ARFGEF1: variants seen among roughly 807,000 people sequenced by gnomAD.
The protein encoded by ARFGEF1 is ARF guanine nucleotide exchange factor 1, also known as brefeldin A-inhibited guanine nucleotide-exchange protein 1.
A neutral mutation model predicts 231.0 loss-of-function variants in ARFGEF1; 42 were observed. The ratio of observed to expected loss-of-function variants is 0.18; its 90% CI spans 0.14 to 0.24. The LOEUF is 0.24. ARFGEF1 is among the 10% of genes least tolerant of loss of function. The pLI is 1.00. For missense variants in ARFGEF1, 1,345 were observed against 2,192.0 expected (o/e 0.61, Z 7.72); for synonymous variants, 710 against 732.3 (o/e 0.97, Z 0.49).
At chr8:67,261,774 G>A (rs1481991627) in intron 14 of ARFGEF1, among the ~76,000 whole-genome samples, 1 of 151,632 alleles carries the variant, frequency 6.6e-6, no homozygotes, top group Non-Finnish European at 1.5e-5. Flanking sequence ...CCAAAGCTGG[G>A]ATTACAGGCA....
At chr8:67,244,764 T>C (rs745693797) in intron 19 of ARFGEF1, among the ~76,000 whole-genome samples, 7 of 150,312 alleles carry the variant, frequency 4.7e-5, no homozygotes, top group Non-Finnish European at 8.8e-5. Context: ...CTAAAAGTTA[T>C]TGGTCTTCAA....
chr8:67,211,584 T>C lies in ARFGEF1; in HGVS notation c.4718A>G (p.His1573Arg), dbSNP rs1384835038. ...DTISQKSVDI[H>R]DSIQPRSVDN... ...CACAGACCTTGGTTGAATAGAATCATGAATATCTACAGACTTCTGTGATAT... is the reference window on the plus strand; with the variant it reads ...CACAGACCTTGGTTGAATAGAATCACGAATATCTACAGACTTCTGTGATAT... Residue 1573 changes from histidine (H) to arginine (R), a missense_variant, in exon 34 of 39, where the codon CAT (histidine) becomes CGT (arginine). Physicochemically the swap from His to Arg is conservative, Grantham distance 29. This residue lies in a region of ARFGEF1 where 89 missense variants were observed against 74.8 expected (regional missense o/e 1.19). Coordinates refer to ENST00000262215, the MANE Select transcript of ARFGEF1 (RefSeq NM_006421.5). 3 of 1,546,922 alleles carry C rather than the reference T, an allele frequency of 1.9e-6. No homozygotes were observed. The highest frequency in any genetic ancestry group is 2.6e-6 in the Non-Finnish European group (3 of 1,140,708).
chr8:67,227,315 A>G lies in ARFGEF1; in HGVS notation c.3744-6T>C. 1.9e-6 allele frequency: 3 copies of G among 1,608,170 alleles called. No homozygotes were observed. Among genetic ancestry groups the G allele is most frequent in the Non-Finnish European group, 2.6e-6 (3 of 1,176,112 alleles). ...TATCTCGAATTGTTGGAGACCTAAA[A>G]ATATTAATATAATTGCTTGGATATG... On this transcript the variant is annotated splice_region_variant and splice_polypyrimidine_tract_variant and intron_variant, in intron 26 of 38. Coordinates refer to ENST00000262215, the MANE Select transcript of ARFGEF1 (RefSeq NM_006421.5).
downstream of ARFGEF1, chr8:67,193,526 T>C (rs577867377): frequency 1.9e-6 from 3 of 1,612,982 alleles, no homozygotes; most frequent in South Asian, 2.2e-5. Context: ...CCAGTGTAAA[T>C]GTTGATGAGC....
At chr8:67,257,973 C>A in intron 16 of ARFGEF1, 112 bp downstream of exon 16, 1 of 1,190,962 alleles carries the variant, frequency 8.4e-7, no homozygotes, top group Non-Finnish European at 1.2e-6. Flanking sequence ...TGTAGACAAT[C>A]TAAATTCTCT....
At chr8:67,243,786 GAGAA>G (rs1299416422) in intron 19 of ARFGEF1, among the ~76,000 whole-genome samples, 3 of 152,146 alleles carry the variant, frequency 2.0e-5, no homozygotes, top group Admixed American at 6.5e-5. Context: ...ACCAATCCTG[GAGAA>G]AGAGATATAT....
intron 1 of ARFGEF1, among the ~76,000 whole-genome samples, chr8:67,307,275 A>C (rs543659311): frequency 5.3e-5 from 8 of 152,318 alleles, no homozygotes; most frequent in African/African-American, 1.9e-4. Context: ...ACAAAGGAAA[A>C]TCATCTAGAA....
intron 5 of ARFGEF1, among the ~76,000 whole-genome samples, chr8:67,295,162 G>C (rs1286961064): frequency 6.6e-6 from 1 of 152,056 alleles, no homozygotes. Flanking sequence ...AAATACAGAA[G>C]AGAGAAACAG....
chr8:67,225,154 A>G (rs1225435139), intron 28 of ARFGEF1, 121 bp from the exon 29 acceptor site: 2 of 958,650 alleles, frequency 2.1e-6, no homozygotes, highest in African/African-American at 3.4e-5. Context: ...TTAATAAAAA[A>G]TAATTTATAA....
chr8:67,179,876 C>T, intron 5 of ARFGEF1: 1 of 1,594,724 alleles, frequency 6.3e-7, no homozygotes, highest in Non-Finnish European at 8.6e-7. Flanking sequence ...AGAGATGACA[C>T]TAGTGATTTC....
intron 1 of ARFGEF1, among the ~76,000 whole-genome samples, chr8:67,316,682 A>G (rs1234569075): frequency 6.6e-6 from 1 of 151,650 alleles, no homozygotes; most frequent in Non-Finnish European, 1.5e-5. Flanking sequence ...CTGGTCTTGA[A>G]CTCCTGGGCT....
chr8:67,342,954 C>G (rs1056376725), intron 1 of ARFGEF1, among the ~76,000 whole-genome samples: 1 of 152,182 alleles, frequency 6.6e-6, no homozygotes, highest in Non-Finnish European at 1.5e-5. Flanking sequence ...CCGAGCCCAG[C>G]TCACTGCCCT....
In ARFGEF1 at chr8:67,204,836, C is replaced by G. The variant is rs765704267; in HGVS notation, c.4820-17G>C. On this transcript the variant is annotated splice_polypyrimidine_tract_variant and intron_variant, in intron 34 of 38. Transcript: ENST00000262215. Reference sequence around the variant, plus strand: ...CTGGAAATTCTGTGAGGAAACCCCCCCCAATGCACATGCAAACAAAAAATT... The same window carrying G: ...CTGGAAATTCTGTGAGGAAACCCCCGCCAATGCACATGCAAACAAAAAATT... 12 of 1,612,162 alleles carry G rather than the reference C, an allele frequency of 7.4e-6. No individual in the cohort carries two copies. Among genetic ancestry groups the G allele is most frequent in the East Asian group, 2.2e-5 (1 of 44,836 alleles).
intron 1 of ARFGEF1, among the ~76,000 whole-genome samples, chr8:67,320,326 T>C (rs1050172627): frequency 6.8e-6 from 1 of 146,760 alleles, no homozygotes; most frequent in South Asian, 2.2e-4. Flanking sequence ...CCTATTAACA[T>C]GGTTAAATTT....
chr8:67,236,362 A>AT (rs1839750927), intron 22 of ARFGEF1, among the ~76,000 whole-genome samples: 10 of 41,748 alleles, frequency 2.4e-4, no homozygotes, highest in Non-Finnish European at 3.4e-4. Context: ...AAAAAAAAAA[A>AT]AAAATATATA....
In ARFGEF1 at chr8:67,332,509, A is replaced by G. The variant is rs1448687408; in HGVS notation, c.124+10655T>C. Among the ~76,000 whole-genome samples, 3 of 152,222 alleles carry G rather than the reference A, an allele frequency of 2.0e-5. No homozygotes were observed. In the East Asian group the frequency reaches 5.8e-4, roughly 29 times the overall value. On this transcript the variant is annotated intron_variant, in intron 1 of 38. Coordinates refer to ENST00000262215, the MANE Select transcript of ARFGEF1 (RefSeq NM_006421.5). ...ACACACGAATTTGCCTGACTTCTTA[A>G]GCAGAAAAGAGAATTAAAATTATAT...
chr8:67,196,791 C>CACTT (rs1439278864), downstream of ARFGEF1, among the ~76,000 whole-genome samples: 5 of 152,312 alleles, frequency 3.3e-5, no homozygotes, highest in East Asian at 9.6e-4. Context: ...TTGTGTGGAG[C>CACTT]ACTTACCCTC....
In ARFGEF1 at chr8:67,343,713, C is replaced by T; in HGVS notation, c.-426G>A. ...CTACCCTGGCTACTGTGGGGATTAGCACCCGCCGCGGCCGCGAACTGGCCC... is the reference window on the plus strand; with the variant it reads ...CTACCCTGGCTACTGTGGGGATTAGTACCCGCCGCGGCCGCGAACTGGCCC... On this transcript the variant is annotated 5_prime_UTR_variant, in exon 1 of 39. Transcript: ENST00000262215. 1.5e-6 allele frequency: 1 copy of T among 672,662 alleles called. No homozygotes were observed. Among genetic ancestry groups the T allele is most frequent in the East Asian group, 1.3e-4 (1 of 7,634 alleles). The allele number at this position is 672,662 out of a possible 1,614,324, so 41.7% of individuals were successfully genotyped here. A position where few individuals can be genotyped will look rare whatever the true frequency, so the allele number is the denominator to read the frequency against.
chr8:67,258,691 A>C (rs1840542913), intron 15 of ARFGEF1, among the ~76,000 whole-genome samples: 1 of 152,242 alleles, frequency 6.6e-6, no homozygotes. Context: ...AATTTTGTTA[A>C]GATCCGCAGA....
Sources: gnomAD v4.1 joint callset for allele counts (sites outside exome capture counted in the v4.1 genomes callset) on GRCh38, gnomAD v4.1.1 for gene constraint, gnomAD v4.1.1 regional missense constraint, MANE v1.5 for transcripts, NCBI Gene and HGNC (gene_info 2026-07-23, HGNC 2026-07-21) for gene names.